The following P2RY14 variants were observed in gnomAD, a reference collection of about 807,000 sequenced individuals.
P2RY14 encodes P2Y purinoceptor 14.
Under a neutral mutation model 0.9 loss-of-function variants are expected in P2RY14, and 2 were observed. That is an observed-to-expected ratio of 2.16 (90% CI 0.88 to 6.79). The LOEUF (loss-of-function observed/expected upper bound fraction) is 6.79. Ranked by LOEUF, P2RY14 falls within the 30% of genes most tolerant of loss-of-function variation. The pLI is 0.05. For missense variants in P2RY14, 378 were observed against 400.1 expected, an observed-to-expected ratio of 0.94 and a Z score of 0.47; for synonymous variants, 158 against 147.2, an observed-to-expected ratio of 1.07 and a Z score of -0.53.
chr3:151,257,632 A>G (rs1738076066), intron 1 of P2RY14, among the ~76,000 whole-genome samples: 2 of 152,242 alleles, frequency 1.3e-5, no homozygotes, highest in African/African-American at 4.8e-5. Context: ...ATTATTTCGT[A>G]TATGGAGAAC....
At chr3:151,260,986 C>G (rs1314459223) in intron 1 of P2RY14, among the ~76,000 whole-genome samples, 2 of 151,988 alleles carry the variant, frequency 1.3e-5, no homozygotes, top group Non-Finnish European at 1.5e-5. Flanking sequence ...TGTATGGTGT[C>G]TTTGGTTCTG....
chr3:151,214,776 A>G (rs1015366857), intron 2 of P2RY14, among the ~76,000 whole-genome samples: 10 of 152,194 alleles, frequency 6.6e-5, no homozygotes, highest in African/African-American at 2.4e-4. Flanking sequence ...ATAAAACTCC[A>G]GAGTTCTAGG....
chr3:151,219,189 TA>T (rs1167147855), intron 2 of P2RY14, among the ~76,000 whole-genome samples: 1 of 152,224 alleles, frequency 6.6e-6, no homozygotes, highest in Non-Finnish European at 1.5e-5. Flanking sequence ...TAGTGCAGTG[TA>T]ATATCTTAGG....
intron 1 of P2RY14, among the ~76,000 whole-genome samples, chr3:151,251,107 T>G (rs564900215): frequency 2.8e-4 from 42 of 152,314 alleles, no homozygotes; most frequent in African/African-American, 7.7e-4. Context: ...ATGTTGATGT[T>G]TTATGGATTC....
intron 1 of P2RY14, among the ~76,000 whole-genome samples, chr3:151,244,676 A>C (rs1326824202): frequency 2.0e-5 from 3 of 151,128 alleles, no homozygotes; most frequent in Non-Finnish European, 4.4e-5. Flanking sequence ...GAAAGATCCA[A>C]AATTGACACC....
intron 1 of P2RY14, among the ~76,000 whole-genome samples, chr3:151,237,616 G>T (rs1255105622): frequency 6.6e-6 from 1 of 152,070 alleles, no homozygotes; most frequent in Non-Finnish European, 1.5e-5. Flanking sequence ...CTCCCAAAGT[G>T]CTGGGATTAC....
At chr3:151,260,842 C>T (rs1738729859) in intron 1 of P2RY14, among the ~76,000 whole-genome samples, 1 of 152,002 alleles carries the variant, frequency 6.6e-6, no homozygotes, top group Admixed American at 6.6e-5. Context: ...TAGTTGTATT[C>T]AGACTAAATT....
At chr3:151,236,442 A>G (rs1732823511) in intron 1 of P2RY14, among the ~76,000 whole-genome samples, 1 of 152,188 alleles carries the variant, frequency 6.6e-6, no homozygotes, top group Non-Finnish European at 1.5e-5. Flanking sequence ...ATGACTTTTT[A>G]CAGATTTATT....
At chr3:151,237,736 C>T (rs1397869843) in intron 1 of P2RY14, among the ~76,000 whole-genome samples, 2 of 152,108 alleles carry the variant, frequency 1.3e-5, no homozygotes, top group Non-Finnish European at 2.9e-5. Flanking sequence ...TCCTCTCTGA[C>T]GTTTTATCTT....
At chr3:151,242,238 G>A (rs1194850900) in intron 1 of P2RY14, among the ~76,000 whole-genome samples, 2 of 152,380 alleles carry the variant, frequency 1.3e-5, no homozygotes, top group East Asian at 1.9e-4. Flanking sequence ...GGTAAACAAA[G>A]CAGCCGGGAA....
At chr3:151,257,267 TGTA>T (rs1737993886) in intron 1 of P2RY14, among the ~76,000 whole-genome samples, 1 of 152,256 alleles carries the variant, frequency 6.6e-6, no homozygotes, top group African/African-American at 2.4e-5. Context: ...GTTGGCATGT[TGTA>T]GTTTAAATAT....
chr3:151,212,956 GATTAT>G lies in P2RY14; in HGVS notation c.*339_*343del. The G allele has an allele frequency of 6.4e-6, 1 of 156,034 alleles. No homozygotes were observed. The highest frequency in any genetic ancestry group is 6.5e-5 in the Admixed American group (1 of 15,326). The allele number at this position is 156,034 out of a possible 1,614,324, so 9.7% of individuals were successfully genotyped here. On this transcript the variant is annotated 3_prime_UTR_variant, in exon 3 of 3. Transcript: ENST00000309170. ...GAAGATGCCTGAGTGAGTTGTCTTTGATTATGTTGTGTTTTATTTACTATTTAAAT... is the reference window on the plus strand; with the variant it reads ...GAAGATGCCTGAGTGAGTTGTCTTTGGTTGTGTTTTATTTACTATTTAAAT...
At position 151,240,113 on chromosome 3, in the gene P2RY14, C is replaced by T. The variant is rs540414393; in HGVS notation, c.-132-20471G>A. ...GCCCCTGACCTGTAATTCCAGGCTC[C>T]ATAACTGTCAGGACCATTGTTCTGG... is the stretch of plus-strand genomic sequence containing the variant. On this transcript the variant is annotated intron_variant, in intron 1 of 2. Transcript: ENST00000309170. Among the ~76,000 whole-genome samples, 5 of 152,026 alleles carry T rather than the reference C, an allele frequency of 3.3e-5. No homozygotes were observed. In the East Asian group the frequency reaches 9.7e-4, roughly 29 times the overall value.
At chr3:151,246,075 A>G (rs1381808987) in intron 1 of P2RY14, among the ~76,000 whole-genome samples, 1 of 151,910 alleles carries the variant, frequency 6.6e-6, no homozygotes, top group African/African-American at 2.4e-5. Context: ...GATGTGAAGG[A>G]ACTCTTCAAG....
rs925497784 is a variant in P2RY14, at chr3:151,219,633, A to G, written c.-123T>C. Reference sequence around the variant, plus strand: ...CTTGAAGTGGCCCAAGTGTTTTTTCATTAAAGATCCTGCATTACACAAAAC... The same window carrying G: ...CTTGAAGTGGCCCAAGTGTTTTTTCGTTAAAGATCCTGCATTACACAAAAC... On this transcript the variant is annotated 5_prime_UTR_variant, in exon 2 of 3. The change abolishes an upstream ATG in the 5' untranslated region. Transcript: ENST00000309170. 16 of 152,162 alleles carry G rather than the reference A, an allele frequency of 1.1e-4. No individual in the cohort carries two copies. The highest frequency in any genetic ancestry group is 3.9e-4 in the African/African-American group (16 of 41,428). The allele number at this position is 152,162 out of a possible 1,614,324, so 9.4% of individuals were successfully genotyped here. A position where few individuals can be genotyped will look rare whatever the true frequency, so the allele number is the denominator to read the frequency against.
chr3:151,251,799 CA>C (rs1320041280), intron 1 of P2RY14, among the ~76,000 whole-genome samples: 1 of 152,156 alleles, frequency 6.6e-6, no homozygotes, highest in East Asian at 1.9e-4. Context: ...ATTTGAATTG[CA>C]TTTTAAAAAA....
chr3:151,220,592 G>A (rs9871229), intron 1 of P2RY14, among the ~76,000 whole-genome samples: 15,779 of 152,210 alleles, frequency 0.1, 1,108 homozygotes, highest in Middle Eastern at 0.17. Flanking sequence ...TGCTGTTCTT[G>A]TGATAGTGAA....
intron 1 of P2RY14, among the ~76,000 whole-genome samples, chr3:151,268,518 C>T (rs1740265156): frequency 6.6e-6 from 1 of 152,192 alleles, no homozygotes; most frequent in South Asian, 2.1e-4. Flanking sequence ...TAAATGGAAG[C>T]TTCCAGGTTT....
chr3:151,247,624 G>T (rs548210223), intron 1 of P2RY14, among the ~76,000 whole-genome samples: 35 of 119,384 alleles, frequency 2.9e-4, no homozygotes, highest in African/African-American at 9.5e-4. Context: ...GGGTCGGGGA[G>T]GGGGGAGGGA....
Sources: allele counts gnomAD v4.1 joint callset (sites outside exome capture counted in the v4.1 genomes callset), GRCh38; gene constraint gnomAD v4.1.1; transcripts MANE v1.5; gene names NCBI Gene and HGNC (gene_info 2026-07-23, HGNC 2026-07-21).